The following DPP10 variants were observed in gnomAD, a reference collection of about 807,000 sequenced individuals.
DPP10 encodes dipeptidyl peptidase like 10.
Under a neutral mutation model 120.9 loss-of-function variants are expected in DPP10, and 33 were observed. That is an observed-to-expected ratio of 0.27 (90% CI 0.21 to 0.37). The LOEUF is 0.37. Among genes scored for constraint, DPP10 ranks in the 10% least tolerant of loss-of-function variants. The pLI is 1.00. For synonymous variants in DPP10, 337 were observed against 326.1 expected, an observed-to-expected ratio of 1.03 and a Z score of -0.36; for missense variants, 816 against 942.8, an observed-to-expected ratio of 0.87 and a Z score of 1.76.
At chr2:115,402,340 T>C (rs930559585) in intron 3 of DPP10, among the ~76,000 whole-genome samples, 3 of 151,880 alleles carry the variant, frequency 2.0e-5, no homozygotes, top group African/African-American at 7.3e-5. Context: ...CTGGGGTCAG[T>C]TGGCAAAAAA....
At chr2:115,253,403 T>C (rs528649703) in intron 1 of DPP10, among the ~76,000 whole-genome samples, 56 of 152,266 alleles carry the variant, frequency 3.7e-4, no homozygotes, top group African/African-American at 1.3e-3. Flanking sequence ...CTTGTCCCAA[T>C]AGTCCCCCAA....
chr2:114,938,813 T>G (rs538892900), intron 1 of DPP10, among the ~76,000 whole-genome samples: 7 of 151,856 alleles, frequency 4.6e-5, no homozygotes, highest in African/African-American at 1.7e-4. Context: ...AATAGTAAGC[T>G]TCTTATCCCT....
At chr2:114,477,810 CAT>C (rs1162517124) in intron 1 of DPP10, among the ~76,000 whole-genome samples, 1 of 149,410 alleles carries the variant, frequency 6.7e-6, no homozygotes, top group African/African-American at 2.5e-5. Context: ...CATATACATA[CAT>C]ATGTGTGTAT....
At chr2:114,792,619 A>G (rs1683352387) in intron 1 of DPP10, among the ~76,000 whole-genome samples, 1 of 152,142 alleles carries the variant, frequency 6.6e-6, no homozygotes, top group African/African-American at 2.4e-5. Flanking sequence ...GTTTACACAA[A>G]CAATATTGTT....
intron 1 of DPP10, among the ~76,000 whole-genome samples, chr2:114,495,479 T>G (rs1015341272): frequency 6.6e-6 from 1 of 152,322 alleles, no homozygotes; most frequent in African/African-American, 2.4e-5. Flanking sequence ...CTTTCTCCAT[T>G]ATTGTATTTC....
intron 1 of DPP10, among the ~76,000 whole-genome samples, chr2:114,698,409 C>T (rs879915755): frequency 2.0e-5 from 3 of 152,090 alleles, no homozygotes; most frequent in African/African-American, 4.8e-5. Flanking sequence ...TGAGAGACCA[C>T]GAGCCAGAAC....
intron 1 of DPP10, among the ~76,000 whole-genome samples, chr2:115,240,824 A>G (rs988284107): frequency 6.6e-6 from 1 of 152,218 alleles, no homozygotes; most frequent in African/African-American, 2.4e-5. Flanking sequence ...TTATAAGTCA[A>G]AACAAAATAT....
intron 1 of DPP10, among the ~76,000 whole-genome samples, chr2:114,893,520 A>G (rs1224756969): frequency 6.6e-6 from 1 of 152,156 alleles, no homozygotes; most frequent in African/African-American, 2.4e-5. Context: ...CAGGTATACC[A>G]AGGGGAAGAG....
chr2:115,369,403 A>G (rs2065264859), intron 3 of DPP10, among the ~76,000 whole-genome samples: 1 of 152,046 alleles, frequency 6.6e-6, no homozygotes, highest in African/African-American at 2.4e-5. Flanking sequence ...GTCTGTAAAA[A>G]CTTTTACACG....
intron 1 of DPP10, among the ~76,000 whole-genome samples, chr2:114,782,328 AATAT>A (rs3036347): frequency 1.0e-4 from 15 of 148,496 alleles, no homozygotes; most frequent in African/African-American, 2.0e-4. Flanking sequence ...AAACCTGTGG[AATAT>A]ATATATATAT....
At chr2:115,234,048 A>C (rs1272484441) in intron 1 of DPP10, 3 of 459,228 alleles carry the variant, frequency 6.5e-6, no homozygotes, top group Middle Eastern at 3.5e-4. Flanking sequence ...AGAAAGGGAC[A>C]TTTTAATAAG....
At chr2:115,697,198 A>G (rs2091640105) in intron 7 of DPP10, among the ~76,000 whole-genome samples, 1 of 152,162 alleles carries the variant, frequency 6.6e-6, no homozygotes, top group Non-Finnish European at 1.5e-5. Flanking sequence ...TAGAAAAGAA[A>G]TAGAAAAATC....
chr2:114,937,245 A>G (rs185644861), intron 1 of DPP10, among the ~76,000 whole-genome samples: 1 of 152,272 alleles, frequency 6.6e-6, no homozygotes, highest in East Asian at 1.9e-4. Flanking sequence ...GGTCTAATCC[A>G]ACTTGAGTTG....
chr2:114,505,176 AT>A (rs1260070039), intron 1 of DPP10, among the ~76,000 whole-genome samples: 1 of 151,610 alleles, frequency 6.6e-6, no homozygotes, highest in Non-Finnish European at 1.5e-5. Context: ...AAATAAAAAA[AT>A]ATAGACCCAA....
chr2:114,812,784 T>C (rs911403943), intron 1 of DPP10, among the ~76,000 whole-genome samples: 2 of 152,092 alleles, frequency 1.3e-5, no homozygotes, highest in African/African-American at 2.4e-5. Flanking sequence ...CATTCCAAGA[T>C]GAAAAACTGA....
At chr2:114,561,741 C>G (rs1188369143) in intron 1 of DPP10, among the ~76,000 whole-genome samples, 1 of 151,912 alleles carries the variant, frequency 6.6e-6, no homozygotes, top group African/African-American at 2.4e-5. Context: ...CATTTTCAGC[C>G]AAAATATGCC....
At chr2:115,782,630 A>C (rs1400452596) in intron 17 of DPP10, among the ~76,000 whole-genome samples, 1 of 152,052 alleles carries the variant, frequency 6.6e-6, no homozygotes, top group East Asian at 1.9e-4. Flanking sequence ...CCGAAATAGG[A>C]TATCTACTAC....
chr2:115,209,018 C>A (rs1489477937), intron 1 of DPP10, among the ~76,000 whole-genome samples: 3 of 152,122 alleles, frequency 2.0e-5, no homozygotes, highest in Non-Finnish European at 4.4e-5. Context: ...AGTAAACTGG[C>A]ATGATGTTGG....
chr2:115,383,565 T>G (rs2066603546), intron 3 of DPP10, among the ~76,000 whole-genome samples: 1 of 152,244 alleles, frequency 6.6e-6, no homozygotes. Context: ...TTTATCTGGT[T>G]TTCTGCCATT....
Sources: gnomAD v4.1 joint callset for allele counts (sites outside exome capture counted in the v4.1 genomes callset) on GRCh38, gnomAD v4.1.1 for gene constraint, MANE v1.5 for transcripts, NCBI Gene and HGNC (gene_info 2026-07-23, HGNC 2026-07-21) for gene names.